The following FARP1 variants were observed in gnomAD, a reference collection of about 807,000 sequenced individuals.
FARP1 encodes the protein FERM, ARH/RhoGEF and pleckstrin domain protein 1.
A neutral mutation model predicts 128.8 loss-of-function variants in FARP1; 52 were observed. The ratio of observed to expected loss-of-function variants is 0.40; its 90% CI spans 0.32 to 0.51. The LOEUF is 0.51. FARP1 is among the 20% of genes least tolerant of loss of function. The pLI is 0.45. For missense variants in FARP1, 1,333 were observed against 1,367.9 expected, an observed-to-expected ratio of 0.97 and a Z score of 0.40; for synonymous variants, 580 against 551.8, an observed-to-expected ratio of 1.05 and a Z score of -0.72.
At chr13:98,162,571 G>A (rs1876962980) in intron 1 of FARP1, among the ~76,000 whole-genome samples, 1 of 152,112 alleles carries the variant, frequency 6.6e-6, no homozygotes, top group African/African-American at 2.4e-5. Context: ...TGGCCCCCAT[G>A]GTCTGTAAAA....
chr13:98,390,971 C>T (rs1890283598), intron 11 of FARP1, 91 bp downstream of exon 11: 3 of 875,516 alleles, frequency 3.4e-6, no homozygotes, highest in Non-Finnish European at 5.7e-6. Context: ...TTTACCCAGA[C>T]TTCAGACTTG....
At chr13:98,433,330 C>T (rs763377340) in intron 18 of FARP1, 1 of 152,096 alleles carries the variant, frequency 6.6e-6, no homozygotes, top group Non-Finnish European at 1.5e-5. Flanking sequence ...AAAAGGCAAC[C>T]CAATAGGTAG....
chr13:98,208,112 G>T (rs193186015), intron 1 of FARP1, among the ~76,000 whole-genome samples: 1 of 152,160 alleles, frequency 6.6e-6, no homozygotes, highest in African/African-American at 2.4e-5. Context: ...CAACCAAACA[G>T]ATTAGAAACA....
intron 1 of FARP1, among the ~76,000 whole-genome samples, chr13:98,166,724 CTT>C (rs60609331): frequency 6.6e-4 from 90 of 136,968 alleles, no homozygotes; most frequent in Admixed American, 1.0e-3. Context: ...GTTTTTCTTT[CTT>C]TTTTTTTTTT....
intron 2 of FARP1, among the ~76,000 whole-genome samples, chr13:98,263,386 G>A (rs528559987): frequency 6.6e-6 from 1 of 152,216 alleles, no homozygotes; most frequent in Non-Finnish European, 1.5e-5. Context: ...GGTGGAATGG[G>A]AATAATTGTA....
At chr13:98,337,560 T>A (rs1373497956) in intron 2 of FARP1, among the ~76,000 whole-genome samples, 1 of 151,170 alleles carries the variant, frequency 6.6e-6, no homozygotes. Flanking sequence ...TGTGTGTGTG[T>A]GTGTGTGTGT....
At chr13:98,282,875 T>C (rs1198108726) in intron 2 of FARP1, among the ~76,000 whole-genome samples, 1 of 151,902 alleles carries the variant, frequency 6.6e-6, no homozygotes, top group African/African-American at 2.4e-5. Flanking sequence ...CACTCCGGCC[T>C]GGCAACAGGG....
At chr13:98,179,099 G>A (rs1173299187) in intron 1 of FARP1, among the ~76,000 whole-genome samples, 2 of 152,156 alleles carry the variant, frequency 1.3e-5, no homozygotes, top group Non-Finnish European at 2.9e-5. Context: ...AGACACACCT[G>A]AGACTGGGTA....
intron 12 of FARP1, 97 bp from the exon 13 acceptor site, chr13:98,395,130 G>C: frequency 7.0e-7 from 1 of 1,436,532 alleles, no homozygotes; most frequent in Non-Finnish European, 9.3e-7. Flanking sequence ...CAGAGGCCTC[G>C]GGTGTTCTTG....
At chr13:98,347,989 T>C (rs1408451196) in intron 3 of FARP1, among the ~76,000 whole-genome samples, 1 of 152,228 alleles carries the variant, frequency 6.6e-6, no homozygotes, top group Non-Finnish European at 1.5e-5. Flanking sequence ...CTTCTGTCTT[T>C]CTTCTCATCA....
chr13:98,217,657 A>C (rs1297882637), intron 2 of FARP1, among the ~76,000 whole-genome samples: 1 of 151,756 alleles, frequency 6.6e-6, no homozygotes, highest in Non-Finnish European at 1.5e-5. Flanking sequence ...TGCCTGGGCA[A>C]CTCCCATGGC....
At chr13:98,421,439 C>T (rs1261415102) in intron 16 of FARP1, among the ~76,000 whole-genome samples, 2 of 152,180 alleles carry the variant, frequency 1.3e-5, no homozygotes, top group Non-Finnish European at 2.9e-5. Context: ...CTCCCCATTT[C>T]TTCTCCCGCA....
chr13:98,447,350 C>A (rs1892912312), intron 26 of FARP1: 1 of 152,604 alleles, frequency 6.6e-6, no homozygotes, highest in South Asian at 2.1e-4. Context: ...AACAACATCA[C>A]CTGAAAAAGG....
In FARP1 at chr13:98,395,392, G is replaced by C. The variant is rs774917492; in HGVS notation, c.1330G>C (p.Ala444Pro). The C allele has an allele frequency of 2.0e-5, 33 of 1,611,428 alleles. No individual in the cohort carries two copies. In the Admixed American group the frequency reaches 5.5e-4, roughly 27 times the overall value. ...PAGNKQADGA[A>P]SAPTEEEEEV... The stretch of plus-strand genomic sequence containing the variant: ...GGGTAACAAGCAGGCGGACGGAGCC[G>C]CCTCGGCGCCCACGGAGGAAGAGGA... Residue 444 changes from alanine to proline, a missense_variant, in exon 13 of 27, where the codon GCC becomes CCC. Coordinates refer to ENST00000319562, the MANE Select transcript of FARP1 (RefSeq NM_005766.4).
intron 3 of FARP1, among the ~76,000 whole-genome samples, chr13:98,350,726 C>T (rs1219020455): frequency 6.6e-6 from 1 of 152,188 alleles, no homozygotes; most frequent in African/African-American, 2.4e-5. Context: ...TCTCTGACAC[C>T]TGAGGCCTTG....
intron 2 of FARP1, among the ~76,000 whole-genome samples, chr13:98,283,529 C>T (rs1215646378): frequency 5.3e-5 from 8 of 151,980 alleles, no homozygotes; most frequent in Admixed American, 5.2e-4. Flanking sequence ...GGTGTTCTGG[C>T]GTTCTAAGAA....
chr13:98,242,414 G>T (rs888197592), intron 2 of FARP1, among the ~76,000 whole-genome samples: 6 of 152,130 alleles, frequency 3.9e-5, no homozygotes, highest in African/African-American at 1.4e-4. Context: ...AGTGGCTTAT[G>T]CCTGTAATCC....
intron 1 of FARP1, among the ~76,000 whole-genome samples, chr13:98,159,158 ATGGGGTGCTATTCCCACGGCCAGT>A (rs1203409600): frequency 6.6e-6 from 1 of 152,198 alleles, no homozygotes. Flanking sequence ...GTGCTCCTTG[ATGGGGTGCTATTCCCACGGCCAGT>A]TTTGTGCTAT....
intron 1 of FARP1, among the ~76,000 whole-genome samples, chr13:98,159,874 C>CAG (rs1395819656): frequency 3.9e-5 from 6 of 152,206 alleles, no homozygotes; most frequent in Non-Finnish European, 8.8e-5. Context: ...TCACTGGCCT[C>CAG]ACCCTAGTGC....
Sources: gnomAD v4.1 joint callset for allele counts (sites outside exome capture counted in the v4.1 genomes callset) on GRCh38, gnomAD v4.1.1 for gene constraint, MANE v1.5 for transcripts, NCBI Gene and HGNC (gene_info 2026-07-23, HGNC 2026-07-21) for gene names.